BANP: variants seen among roughly 807,000 people sequenced by gnomAD.
BANP encodes BTG3 associated nuclear protein, also known as protein BANP.
BANP carries 11 observed loss-of-function variants against 68.1 expected under a neutral mutation model. The ratio of observed to expected loss-of-function variants is 0.16; its 90% CI spans 0.10 to 0.27. The LOEUF (loss-of-function observed/expected upper bound fraction) is 0.27, where lower values mean the gene tolerates loss of function less well. Ranked by LOEUF, BANP falls within the 10% of genes least tolerant of loss-of-function variation. BANP has a pLI of 1.00. For missense variants in BANP, 504 were observed against 722.7 expected (o/e 0.70, Z 3.47); for synonymous variants, 329 against 303.2 (o/e 1.09, Z -0.88).
intron 1 of BANP, 130 bp from the exon 2 acceptor site, chr16:87,974,918 A>G (rs2061739728): frequency 1.7e-6 from 1 of 574,026 alleles, no homozygotes. Context: ...TGAGGCAAGA[A>G]GAACCCTGCA....
At chr16:87,982,944 C>T (rs943067375) in intron 3 of BANP, among the ~76,000 whole-genome samples, 6 of 152,322 alleles carry the variant, frequency 3.9e-5, no homozygotes, top group South Asian at 2.1e-4. Context: ...AAAGCCGTTC[C>T]GGCTCCAATG....
intron 4 of BANP, among the ~76,000 whole-genome samples, chr16:87,992,074 T>C (rs1337535024): frequency 6.6e-6 from 1 of 152,246 alleles, no homozygotes; most frequent in Non-Finnish European, 1.5e-5. Flanking sequence ...CATGAATGAA[T>C]GGACATTGGA....
rs374004218 is a variant in BANP at position 87,984,227 on chromosome 16, C to T, written c.330C>T (p.Leu110=). 2.0e-5 allele frequency: 32 copies of T among 1,603,954 alleles called. No homozygotes were observed. Among genetic ancestry groups the T allele is most frequent in the African/African-American group, 1.3e-4 (10 of 74,582 alleles). ...IQVPMVAGSP[L]GATQTCNKVR... is the part of the protein sequence containing the mutation. ...TCCCCATGGTGGCCGGCTCCCCTCT[C>T]GGGGCAACCCAGACGTGCAACAAAG... The change falls in exon 4 of 14, where the codon CTC becomes CTT. Residue 110 remains leucine (L), a synonymous_variant. Transcript: ENST00000682872.
At chr16:87,999,142 A>G (rs1332350171) in intron 4 of BANP, among the ~76,000 whole-genome samples, 23 of 128,896 alleles carry the variant, frequency 1.8e-4, no homozygotes, top group Middle Eastern at 5.6e-3. Context: ...ATGCACGTGC[A>G]TGGCTGTACT....
chr16:88,063,256 G>C (rs115394703), intron 11 of BANP, among the ~76,000 whole-genome samples: 2 of 152,196 alleles, frequency 1.3e-5, no homozygotes, highest in African/African-American at 2.4e-5. Context: ...CCAGTGCCTC[G>C]GCTTTCGCCT....
Position 87,998,737 on chromosome 16 carries a change from T to G in BANP, c.363-5558T>G, listed in dbSNP as rs1567705324. On this transcript the variant is annotated intron_variant, in intron 4 of 13. Coordinates refer to ENST00000682872, the MANE Select transcript of BANP (RefSeq NM_001386991.1). ...CTCCATGCACGCACGTGCGCGGCTG[T>G]ACTTGCCTGTCTTTCCAGACACCCA... 4.2e-5 allele frequency among the ~76,000 whole-genome samples: 6 copies of G among 144,114 alleles called. No individual in the cohort carries two copies. In the South Asian group the frequency reaches 1.1e-3, roughly 27 times the overall value. The allele number at this position is 144,114 out of a possible 152,430, so 94.5% of individuals were successfully genotyped here.
At chr16:87,985,535 C>T (rs545325067) in intron 4 of BANP, among the ~76,000 whole-genome samples, 103 of 151,830 alleles carry the variant, frequency 6.8e-4, no homozygotes, top group African/African-American at 2.4e-3. Context: ...TCCTCTTACC[C>T]TAAAATGCAG....
chr16:87,988,223 T>A (rs1456710971), intron 4 of BANP, among the ~76,000 whole-genome samples: 3 of 152,200 alleles, frequency 2.0e-5, no homozygotes, highest in African/African-American at 7.2e-5. Flanking sequence ...AAAAATTGAT[T>A]AGCATTCTGA....
upstream of BANP, among the ~76,000 whole-genome samples, chr16:87,950,225 G>C (rs539824546): frequency 1.3e-5 from 2 of 152,212 alleles, no homozygotes; most frequent in Admixed American, 1.3e-4. Context: ...CTGTGTTTGG[G>C]AGCTCAAAGG....
At chr16:88,013,191 G>A (rs2073634013) in intron 6 of BANP, among the ~76,000 whole-genome samples, 1 of 152,218 alleles carries the variant, frequency 6.6e-6, no homozygotes, top group South Asian at 2.1e-4. Flanking sequence ...CTTGGCCTGC[G>A]ACCTCGATCA....
intron 2 of BANP, 88 bp downstream of exon 2, chr16:87,975,273 G>T: frequency 7.2e-7 from 1 of 1,382,820 alleles, no homozygotes; most frequent in Non-Finnish European, 1.0e-6. Flanking sequence ...TTTCCTTTAA[G>T]CAGAAGAAAA....
chr16:87,960,334 C>T (rs1009932424), intron 1 of BANP, among the ~76,000 whole-genome samples: 1 of 152,132 alleles, frequency 6.6e-6, no homozygotes. Context: ...GATTCAGCAG[C>T]TCTTGGGAAG....
chr16:87,972,151 TG>T (rs2061245808), intron 1 of BANP, among the ~76,000 whole-genome samples: 1 of 152,236 alleles, frequency 6.6e-6, no homozygotes, highest in Non-Finnish European at 1.5e-5. Flanking sequence ...TCCTGTCTTA[TG>T]TGCTACTTTT....
chr16:88,074,762 T>C (rs1385375418), intron 13 of BANP, among the ~76,000 whole-genome samples: 3 of 152,122 alleles, frequency 2.0e-5, no homozygotes, highest in Non-Finnish European at 4.4e-5. Flanking sequence ...CCATTCCAGC[T>C]GAGGTTCACC....
chr16:88,053,483 C>T (rs1402800112), intron 11 of BANP, among the ~76,000 whole-genome samples: 3 of 150,036 alleles, frequency 2.0e-5, no homozygotes, highest in African/African-American at 7.5e-5. Flanking sequence ...ACCACCTTCA[C>T]CACCACCTCT....
chr16:87,961,178 A>G (rs147402958), intron 1 of BANP, among the ~76,000 whole-genome samples: 131 of 152,358 alleles, frequency 8.6e-4, no homozygotes, highest in African/African-American at 2.4e-3. Flanking sequence ...TTCACATTCC[A>G]TATTGCAAAC....
intron 5 of BANP, 26 bp from the exon 6 acceptor site, chr16:88,006,064 G>A (rs753967861): frequency 6.2e-7 from 1 of 1,613,282 alleles, no homozygotes; most frequent in South Asian, 1.1e-5. Context: ...ACCACATCGG[G>A]CTGGTGTGTT....
Position 87,991,042 on chromosome 16 carries a change from G to A in BANP, c.362+6783G>A, listed in dbSNP as rs149340127. On this transcript the variant is annotated intron_variant, in intron 4 of 13. Coordinates refer to ENST00000682872, the MANE Select transcript of BANP (RefSeq NM_001386991.1). ...CTCCCAAAGTATTGGGATTACAGGC[G>A]TGCACCACTGCGCCCAGCCAGCTGC... is the stretch of plus-strand genomic sequence containing the variant. Among the ~76,000 whole-genome samples the A allele has an allele frequency of 5.9e-3, 901 of 152,320 alleles. 10 individuals carry two copies. The highest frequency in any genetic ancestry group is 0.019 in the African/African-American group (809 of 41,564).
intron 6 of BANP, among the ~76,000 whole-genome samples, chr16:88,013,373 G>T (rs552502990): frequency 6.6e-6 from 1 of 152,310 alleles, no homozygotes; most frequent in African/African-American, 2.4e-5. Flanking sequence ...GCAGTGTGAC[G>T]TGGGCCTGCC....
Sources: allele counts gnomAD v4.1 joint callset (sites outside exome capture counted in the v4.1 genomes callset), GRCh38; gene constraint gnomAD v4.1.1; transcripts MANE v1.5; gene names NCBI Gene and HGNC (gene_info 2026-07-23, HGNC 2026-07-21).